SPTBN2: variants seen among roughly 807,000 people sequenced by gnomAD.
SPTBN2 encodes spectrin beta, non-erythrocytic 2, also known as spectrin beta chain, non-erythrocytic 2.
SPTBN2 carries 107 observed loss-of-function variants against 284.2 expected under a neutral mutation model. That is an observed-to-expected ratio of 0.38 (90% CI 0.32 to 0.44). The LOEUF is 0.44. SPTBN2 is among the 20% of genes least tolerant of loss of function. The probability of loss-of-function intolerance (pLI) is 1.00; values close to 1 mark genes in which losing one functional copy is unlikely to be tolerated. For synonymous variants in SPTBN2, 1,289 were observed against 1,354.8 expected, an observed-to-expected ratio of 0.95 and a Z score of 1.07; for missense variants, 2,569 against 3,287.1, an observed-to-expected ratio of 0.78 and a Z score of 5.34.
Position 66,693,022 on chromosome 11 carries a change from G to A in SPTBN2, c.4933C>T (p.His1645Tyr). Residue 1645 changes from histidine to tyrosine, a missense_variant, in exon 25 of 38, where the codon CAC becomes TAC. His to Tyr is a moderately conservative substitution (Grantham distance 83). Around this residue, in one of 6 missense-constraint regions of SPTBN2, gnomAD observed 1,130 missense variants for 1,317.3 expected, o/e 0.86. Coordinates refer to ENST00000533211, the MANE Select transcript of SPTBN2 (RefSeq NM_006946.4). The surrounding 1 kb of genome is among the most constrained non-coding windows in gnomAD (Gnocchi z 5.7). Reference protein sequence around the residue: ...QALADYAQTIHQLAASSQDMI... With the variant: ...QALADYAQTIYQLAASSQDMI... ...TCCTGGCTGCTGGCCGCCAGCTGGT[G>A]GATGGTCTGCGCGTAGTCGGCCAGG... The A allele has an allele frequency of 2.5e-6, 4 of 1,612,398 alleles. No homozygotes were observed. The highest frequency in any genetic ancestry group is 2.5e-6 in the Non-Finnish European group (3 of 1,180,012).
At chr11:66,732,905 A>G (rs1288338188), upstream of SPTBN2, among the ~76,000 whole-genome samples, 2 of 150,526 alleles carry the variant, frequency 1.3e-5, no homozygotes, top group Non-Finnish European at 3.0e-5. Flanking sequence ...GACGGAGGCT[A>G]CAGTGAGCTG....
chr11:66,721,302 C>T (rs1398228926), intron 2 of SPTBN2, 40 bp from the exon 3 acceptor site: 4 of 1,606,790 alleles, frequency 2.5e-6, no homozygotes, highest in Non-Finnish European at 3.4e-6. Context: ...GTCCAGGGAC[C>T]ACCAAGCCCT....
chr11:66,688,630 A>G, intron 31 of SPTBN2, 23 bp downstream of exon 31: 1 of 1,613,554 alleles, frequency 6.2e-7, no homozygotes, highest in Non-Finnish European at 8.5e-7. Context: ...TGGAGTGGGC[A>G]TCCGGGGTCC....
At chr11:66,709,116 CT>C in intron 10 of SPTBN2, 97 bp from the exon 11 acceptor site, 1 of 993,942 alleles carries the variant, frequency 1.0e-6, no homozygotes, top group Non-Finnish European at 1.6e-6. Context: ...TGCTTTTCTT[CT>C]TACAAAAGCA....
At chr11:66,711,486 A>G (rs959276298) in intron 8 of SPTBN2, among the ~76,000 whole-genome samples, 4 of 152,212 alleles carry the variant, frequency 2.6e-5, no homozygotes, top group African/African-American at 9.6e-5. Context: ...TGATCCCTGC[A>G]GCTCAGTGGG....
rs1344575965 is a variant in SPTBN2 at position 66,691,979 on chromosome 11, A to G, written c.5191-321T>C. Among the ~76,000 whole-genome samples the G allele has an allele frequency of 6.6e-6, 1 of 152,154 alleles. No individual in the cohort carries two copies. The highest frequency in any genetic ancestry group is 1.9e-4 in the East Asian group (1 of 5,194). On this transcript the variant is annotated intron_variant, in intron 26 of 37. Transcript: ENST00000533211. This position sits in a 1 kb window ranked among gnomAD's most constrained non-coding sequence, Gnocchi z 8.0. ...CCCCAAACTGTCGGGGGGGTGGATC[A>G]TACTCCGTTTTGTTGAATTCTGTTG...
chr11:66,725,023 T>C (rs889753838), intron 1 of SPTBN2, among the ~76,000 whole-genome samples: 3 of 152,136 alleles, frequency 2.0e-5, no homozygotes, highest in African/African-American at 7.2e-5. Flanking sequence ...ATTCCTACCA[T>C]TACCAGGAGA....
chr11:66,715,913 A>G lies in SPTBN2; in HGVS notation c.226T>C (p.Cys76Arg), dbSNP rs780472257. 2 of 1,613,836 alleles carry G rather than the reference A, an allele frequency of 1.2e-6. No homozygotes were observed. Among genetic ancestry groups the G allele is most frequent in the South Asian group, 1.1e-5 (1 of 91,044 alleles). Residue 76 changes from cysteine (C) to arginine (R), a missense_variant, in exon 4 of 38, where the codon TGC becomes CGC. Physicochemically the swap from Cys to Arg is radical, Grantham distance 180 (BLOSUM62 -3). Transcript: ENST00000533211. This position sits in a 1 kb window ranked among gnomAD's most constrained non-coding sequence, Gnocchi z 5.3. ...WVNSHLARVT[C>R]RVGDLYSDLR... ...TCGCTGTACAGGTCCCCCACCCGGC[A>G]CGTGACCCGGGCCAGGTGCGAGTTT... is the stretch of plus-strand genomic sequence containing the variant.
rs1304420688 is a variant in SPTBN2, at chr11:66,704,680, G to A, written c.2596C>T (p.Leu866Phe). The change falls in exon 15 of 38, where the codon CTC becomes TTC. Residue 866 changes from leucine (L) to phenylalanine (F), a missense_variant. Leu to Phe is a conservative substitution (Grantham distance 22, BLOSUM62 0). This residue lies in a region of SPTBN2 where 1,012 missense variants were observed against 1,248.9 expected (regional missense o/e 0.81). Coordinates refer to ENST00000533211, the MANE Select transcript of SPTBN2 (RefSeq NM_006946.4). ...TMLSEAGACG[L>F]WVEEKEQWLN... Reference sequence around the variant, plus strand: ...CACTGCTCCTTCTCCTCCACCCAGAGTCCACAGGCCCCGGCCTCGCTGAGC... The same window carrying A: ...CACTGCTCCTTCTCCTCCACCCAGAATCCACAGGCCCCGGCCTCGCTGAGC... The A allele has an allele frequency of 6.2e-7, 1 of 1,610,926 alleles. No homozygotes were observed. Among genetic ancestry groups the A allele is most frequent in the East Asian group, 2.2e-5 (1 of 44,800 alleles).
chr11:66,714,477 T>C, intron 5 of SPTBN2, 70 bp from the exon 6 acceptor site: 1 of 1,354,282 alleles, frequency 7.4e-7, no homozygotes, highest in South Asian at 1.2e-5. Flanking sequence ...GATGCTCAGA[T>C]AAATGGCAGG....
At chr11:66,716,872 C>A (rs550305007) in intron 3 of SPTBN2, among the ~76,000 whole-genome samples, 1 of 152,024 alleles carries the variant, frequency 6.6e-6, no homozygotes, top group Non-Finnish European at 1.5e-5. Context: ...AAGGTGTGGG[C>A]TAAAATTATT....
At position 66,683,299 on chromosome 11, in the gene SPTBN2, C is replaced by T. The variant is rs1339390238; in HGVS notation, c.*2572G>A. On this transcript the variant is annotated 3_prime_UTR_variant, in exon 38 of 38. Coordinates refer to ENST00000533211, the MANE Select transcript of SPTBN2 (RefSeq NM_006946.4). ...GCCGGGATGGTCTCGATCTCCTGAC[C>T]TCGTGATCCGCCCGCCTCGGCCTCC... 6.6e-6 allele frequency among the ~76,000 whole-genome samples: 1 copy of T among 152,074 alleles called. No homozygotes were observed. Among genetic ancestry groups the T allele is most frequent in the Non-Finnish European group, 1.5e-5 (1 of 67,992 alleles).
chr11:66,692,792 C>G (rs145782008), intron 25 of SPTBN2, 52 bp from the exon 26 acceptor site: 1 of 1,598,586 alleles, frequency 6.3e-7, no homozygotes. Context: ...TAGCTCTGAC[C>G]TCCGGTCTGT....
At chr11:66,730,659 G>A (rs1476706307), upstream of SPTBN2, among the ~76,000 whole-genome samples, 1 of 152,098 alleles carries the variant, frequency 6.6e-6, no homozygotes, top group Non-Finnish European at 1.5e-5. Flanking sequence ...TGCTGTACTG[G>A]TTACGGGAAC....
chr11:66,723,351 T>TGTAGTCTCG (rs1173753166), intron 1 of SPTBN2, among the ~76,000 whole-genome samples: 6 of 152,054 alleles, frequency 3.9e-5, no homozygotes, highest in Admixed American at 1.3e-4. Context: ...GGACCAGGGC[T>TGTAGTCTCG]GTAGTCTCGG....
In SPTBN2 at chr11:66,704,929, G is replaced by T. The variant is rs756091891; in HGVS notation, c.2347C>A (p.Gln783Lys). ...PELGHDEFST[Q>K]ALARQHRALE... The stretch of plus-strand genomic sequence containing the variant: ...GCCCGATGCTGCCTGGCTAGAGCCT[G>T]CGTGGAGAACTCGTCGTGCCCCAGC... Residue 783 changes from glutamine (Q) to lysine (K), a missense_variant, in exon 15 of 38, where the codon CAG becomes AAG. Physicochemically the swap from Gln to Lys is moderately conservative, Grantham distance 53. Around this residue, in one of 6 missense-constraint regions of SPTBN2, gnomAD observed 1,012 missense variants for 1,248.9 expected, o/e 0.81. Coordinates refer to ENST00000533211, the MANE Select transcript of SPTBN2 (RefSeq NM_006946.4). 1.2e-6 allele frequency: 2 copies of T among 1,611,364 alleles called. No individual in the cohort carries two copies. Among genetic ancestry groups the T allele is most frequent in the Non-Finnish European group, 1.7e-6 (2 of 1,179,910 alleles).
rs1338124191 is a variant in SPTBN2, at chr11:66,685,630, C to T, written c.*241G>A. The T allele has an allele frequency of 1.0e-5, 5 of 488,790 alleles. No individual in the cohort carries two copies. The East Asian group carries it at 1.1e-4, about 11-fold the overall frequency. The allele number at this position is 488,790 out of a possible 1,614,324, so 30.3% of individuals were successfully genotyped here. ...ACGAGGCTGGGGAAAGGGGAGAAGT[C>T]GGCGGGGGTGGGAGAGGGGGTTACC... On this transcript the variant is annotated 3_prime_UTR_variant, in exon 38 of 38. Coordinates refer to ENST00000533211, the MANE Select transcript of SPTBN2 (RefSeq NM_006946.4). The surrounding 1 kb of genome is among the most constrained non-coding windows in gnomAD (Gnocchi z 4.4).
rs989980760 is a variant in SPTBN2 at position 66,728,897 on chromosome 11, C to T, written c.-270G>A. 1.0e-4 allele frequency: 16 copies of T among 152,672 alleles called. No homozygotes were observed. The highest frequency in any genetic ancestry group is 3.9e-4 in the African/African-American group (16 of 41,452). 9.5% of individuals were successfully genotyped at this position (152,672 alleles called of 1,614,324 possible). ...CCGTCTCCGCTAAGCATTCCTCTCA[C>T]CCGTCCCCTCGCTCTCGCGTCCTCC... On this transcript the variant is annotated 5_prime_UTR_variant, in exon 1 of 38. It adds an upstream start codon to the 5' untranslated region. Transcript: ENST00000533211.
chr11:66,684,529 G>T lies in SPTBN2; in HGVS notation c.*1342C>A, dbSNP rs1038009183. 3.9e-5 allele frequency among the ~76,000 whole-genome samples: 6 copies of T among 151,992 alleles called. No individual in the cohort carries two copies. Among genetic ancestry groups the T allele is most frequent in the African/African-American group, 7.3e-5 (3 of 41,348 alleles). On this transcript the variant is annotated 3_prime_UTR_variant, in exon 38 of 38. Transcript: ENST00000533211. ...ATGTGCCTGTGGTTCAGGCTACTCG[G>T]GAGGCTGAGGTGGGAGGATTGCTTG...
Sources: gnomAD v4.1 joint callset for allele counts (sites outside exome capture counted in the v4.1 genomes callset) on GRCh38, gnomAD v4.1.1 for gene constraint, gnomAD v4.1.1 regional missense constraint, Gnocchi (gnomAD v3.1) non-coding constraint, MANE v1.5 for transcripts, NCBI Gene and HGNC (gene_info 2026-07-23, HGNC 2026-07-21) for gene names.